Variants in DLST observed in about 807,000 individuals in gnomAD.
DLST encodes dihydrolipoamide S-succinyltransferase.
In DLST, 17 loss-of-function variants were observed where a neutral mutation model predicts 53.1. The ratio of observed to expected loss-of-function variants is 0.32; its 90% CI spans 0.22 to 0.48. DLST has a LOEUF of 0.48. Ranked by LOEUF, DLST falls within the 20% of genes least tolerant of loss-of-function variation. The pLI is 0.99. For synonymous variants in DLST, 206 were observed against 204.8 expected (o/e 1.01, Z -0.05); for missense variants, 512 against 583.9 (o/e 0.88, Z 1.27).
chr14:74,882,113 C>T (rs867243357), intron 1 of DLST, 97 bp downstream of exon 1: 1 of 1,209,152 alleles, frequency 8.3e-7, no homozygotes, highest in Non-Finnish European at 1.1e-6. Flanking sequence ...CCGGCCGGGC[C>T]GGGCACCAAG....
Position 74,902,278 on chromosome 14 carries a change from G to T in DLST, c.1310G>T (p.Arg437Leu). ...GGCAGAGAGGCTGTGACTTTCCTCC[G>T]CAAAATCAAGGCAGCGGTAGAGGAT... ...IDGREAVTFL[R>L]KIKAAVEDPR... is the part of the protein sequence containing the mutation. The change falls in exon 15 of 15, where the codon CGC becomes CTC. Residue 437 changes from arginine to leucine, a missense_variant. Coordinates refer to ENST00000334220, the MANE Select transcript of DLST (RefSeq NM_001933.5). The T allele has an allele frequency of 6.2e-7, 1 of 1,613,078 alleles. No homozygotes were observed.
intron 6 of DLST, among the ~76,000 whole-genome samples, chr14:74,890,248 C>T (rs369501158): frequency 6.6e-6 from 1 of 151,730 alleles, no homozygotes; most frequent in East Asian, 1.9e-4. Flanking sequence ...CTGCCTCAGC[C>T]TCCCTAGTAT....
At chr14:74,897,470 C>T (rs916589398) in intron 10 of DLST, among the ~76,000 whole-genome samples, 1 of 152,166 alleles carries the variant, frequency 6.6e-6, no homozygotes, top group Non-Finnish European at 1.5e-5. Context: ...TTCTCACTAA[C>T]TCTGCAATGT....
chr14:74,893,522 G>A lies in DLST; in HGVS notation c.672+98G>A, dbSNP rs565755918. ...GATGCCTACCTTTGAATGCCTGGCAGCTCATTCCCTCAACCTTGATAAAGG... is the reference window on the plus strand; with the variant it reads ...GATGCCTACCTTTGAATGCCTGGCAACTCATTCCCTCAACCTTGATAAAGG... On this transcript the variant is annotated intron_variant, in intron 9 of 14. Coordinates refer to ENST00000334220, the MANE Select transcript of DLST (RefSeq NM_001933.5). The A allele has an allele frequency of 4.2e-4, 550 of 1,308,704 alleles. 2 individuals are homozygous for A. The highest frequency in any genetic ancestry group is 1.3e-3 in the Middle Eastern group (7 of 5,484). 81.1% of individuals were successfully genotyped at this position (1,308,704 alleles called of 1,614,324 possible). A position where few individuals can be genotyped will look rare whatever the true frequency, so the allele number is the denominator to read the frequency against.
intron 2 of DLST, among the ~76,000 whole-genome samples, chr14:74,885,272 T>TA (rs1883663294): frequency 6.6e-6 from 1 of 152,186 alleles, no homozygotes; most frequent in Admixed American, 6.5e-5. Flanking sequence ...TATGAAAACA[T>TA]ACAGGAATAA....
chr14:74,882,161 CG>C (rs1398489302), intron 1 of DLST, 145 bp downstream of exon 1: 6 of 694,854 alleles, frequency 8.6e-6, no homozygotes, highest in Admixed American at 4.5e-5. Flanking sequence ...CTGGGCGGCC[CG>C]GGGCCGTGGT....
At chr14:74,888,570 G>T (rs1486782632) in intron 3 of DLST, among the ~76,000 whole-genome samples, 1 of 152,056 alleles carries the variant, frequency 6.6e-6, no homozygotes, top group Non-Finnish European at 1.5e-5. Context: ...AAATTATCTG[G>T]GTGGCATGTG....
chr14:74,893,153 T>C (rs1883967317), intron 8 of DLST, among the ~76,000 whole-genome samples, 167 bp downstream of exon 8: 1 of 152,254 alleles, frequency 6.6e-6, no homozygotes, highest in South Asian at 2.1e-4. Context: ...CTCAGCTTTC[T>C]GTTACTAGCT....
chr14:74,889,841 G>T, intron 5 of DLST, 56 bp from the exon 6 acceptor site: 1 of 1,588,284 alleles, frequency 6.3e-7, no homozygotes, highest in Non-Finnish European at 8.6e-7. Context: ...GGGTTTTGTG[G>T]CTACTGGAGG....
At position 74,903,450 on chromosome 14, in the gene DLST, C is replaced by T. The variant is rs1012669905; in HGVS notation, c.*1120C>T. 4 of 152,114 alleles carry T rather than the reference C, an allele frequency of 2.6e-5. No individual in the cohort carries two copies. The highest frequency in any genetic ancestry group is 1.9e-4 in the East Asian group (1 of 5,184). 9.4% of individuals were successfully genotyped at this position (152,114 alleles called of 1,614,324 possible). On this transcript the variant is annotated 3_prime_UTR_variant, in exon 15 of 15. Transcript: ENST00000334220. ...GAGGTCATTTCTAAGGTGTGTTGCC[C>T]GTGGATCTGGGCACAATCATTGGAA... is the stretch of plus-strand genomic sequence containing the variant.
Position 74,889,323 on chromosome 14 carries a change from C to G in DLST, c.248C>G (p.Thr83Arg). Reference sequence around the variant, plus strand: ...ACCCCAGCGTTTGCAGAATCTGTCACAGAGGGAGATGTCAGGTGGGAGAAA... The same window carrying G: ...ACCCCAGCGTTTGCAGAATCTGTCAGAGAGGGAGATGTCAGGTGGGAGAAA... Reference protein sequence around the residue: ...VKTPAFAESVTEGDVRWEKAV... With the variant: ...VKTPAFAESVREGDVRWEKAV... The change falls in exon 5 of 15, where the codon ACA (threonine) becomes AGA (arginine). Residue 83 changes from threonine (T) to arginine (R), a missense_variant. By Grantham distance (71) the Thr-to-Arg change is moderately conservative. Around this residue, in one of 4 missense-constraint regions of DLST, gnomAD observed 35 missense variants for 70.5 expected, o/e 0.50. Coordinates refer to ENST00000334220, the MANE Select transcript of DLST (RefSeq NM_001933.5). 6.2e-7 allele frequency: 1 copy of G among 1,609,722 alleles called. No homozygotes were observed.
intron 5 of DLST, 81 bp from the exon 6 acceptor site, chr14:74,889,811 TATAAC>T (rs1462869753): frequency 2.9e-6 from 4 of 1,380,948 alleles, no homozygotes; most frequent in Admixed American, 1.8e-5. Context: ...AAAGGGTTCT[TATAAC>T]ATACCTGCCA....
At chr14:74,898,313 G>T in intron 10 of DLST, 56 bp from the exon 11 acceptor site, 2 of 1,589,886 alleles carry the variant, frequency 1.3e-6, no homozygotes, top group Non-Finnish European at 1.7e-6. Context: ...TGAGAAACCT[G>T]TGTGAAAGTC....
intron 8 of DLST, 48 bp from the exon 9 acceptor site, chr14:74,893,300 A>G: frequency 6.2e-7 from 1 of 1,605,202 alleles, no homozygotes; most frequent in Non-Finnish European, 8.5e-7. Flanking sequence ...AACTCAGCAG[A>G]TGTTTCTTTC....
chr14:74,892,501 A>T (rs2300597), intron 7 of DLST, among the ~76,000 whole-genome samples: 25,936 of 146,694 alleles, frequency 0.18, 2,412 homozygotes, highest in South Asian at 0.31. Context: ...AATATTTTAA[A>T]TTGCCTAGGT....
At position 74,902,456 on chromosome 14, in the gene DLST, A is replaced by AGC; in HGVS notation, c.*127_*128dup. On this transcript the variant is annotated 3_prime_UTR_variant, in exon 15 of 15. Transcript: ENST00000334220. ...ACATGCTGTTGGCCTCAAGCAAGGA[A>AGC]GCAGAGCACTGTGTAACCAGCAGTC... 1 of 1,232,500 alleles carries AGC rather than the reference A, an allele frequency of 8.1e-7. No homozygotes were observed. The highest frequency in any genetic ancestry group is 1.7e-5 in the South Asian group (1 of 57,326). The allele number at this position is 1,232,500 out of a possible 1,614,324, so 76.3% of individuals were successfully genotyped here. A position where few individuals can be genotyped will look rare whatever the true frequency, so the allele number is the denominator to read the frequency against.
At chr14:74,890,613 C>T (rs1050024131) in intron 6 of DLST, among the ~76,000 whole-genome samples, 3 of 152,152 alleles carry the variant, frequency 2.0e-5, no homozygotes, top group African/African-American at 4.8e-5. Context: ...TTCACAGTAG[C>T]GATGACTTGT....
rs1381914407 is a variant in DLST at position 74,892,900 on chromosome 14, C to T, written c.509C>T (p.Ala170Val). Residue 170 changes from alanine (A) to valine (V), a missense_variant, in exon 8 of 15, where the codon GCA becomes GTA. By Grantham distance (64) the Ala-to-Val change is moderately conservative (BLOSUM62 0). Around this residue, in one of 4 missense-constraint regions of DLST, gnomAD observed 162 missense variants for 162.0 expected, o/e 1.00. Coordinates refer to ENST00000334220, the MANE Select transcript of DLST (RefSeq NM_001933.5). The stretch of plus-strand genomic sequence containing the variant: ...GCAGCCCCAAAAGCAGAACCTACAG[C>T]AGCGGCAGTTCCTCCCCCTGCAGCA... Reference protein sequence around the residue: ...AAAAPKAEPTAAAVPPPAAPI... With the variant: ...AAAAPKAEPTVAAVPPPAAPI... 1 of 1,614,176 alleles carries T rather than the reference C, an allele frequency of 6.2e-7. No individual in the cohort carries two copies. Among genetic ancestry groups the T allele is most frequent in the Non-Finnish European group, 8.5e-7 (1 of 1,180,030 alleles).
chr14:74,890,713 C>T (rs560497773), intron 6 of DLST, among the ~76,000 whole-genome samples: 12 of 152,154 alleles, frequency 7.9e-5, no homozygotes, highest in African/African-American at 1.9e-4. Flanking sequence ...ACTGGAGATA[C>T]GCTGTTGTTG....
Sources: allele counts gnomAD v4.1 joint callset (sites outside exome capture counted in the v4.1 genomes callset), GRCh38; gene constraint gnomAD v4.1.1; regional missense constraint gnomAD v4.1.1; transcripts MANE v1.5; gene names NCBI Gene and HGNC (gene_info 2026-07-23, HGNC 2026-07-21).